Variants in HIBADH observed in about 807,000 individuals in gnomAD.
HIBADH encodes the protein 3-hydroxyisobutyrate dehydrogenase, also known as 3-hydroxyisobutyrate dehydrogenase, mitochondrial.
Under a neutral mutation model 36.1 loss-of-function variants are expected in HIBADH, and 25 were observed. The observed-to-expected ratio is 0.69, with a 90% CI of 0.50 to 0.97. The LOEUF (loss-of-function observed/expected upper bound fraction) is 0.97. Ranked by LOEUF, HIBADH falls within the 50% of genes least tolerant of loss-of-function variation. HIBADH has a pLI of 0.00. For synonymous variants in HIBADH, 160 were observed against 149.5 expected, an observed-to-expected ratio of 1.07 and a Z score of -0.51; for missense variants, 421 against 418.0, an observed-to-expected ratio of 1.01 and a Z score of -0.06.
At chr7:27,591,128 C>A (rs935690798) in intron 4 of HIBADH, among the ~76,000 whole-genome samples, 9 of 152,146 alleles carry the variant, frequency 5.9e-5, no homozygotes, top group Non-Finnish European at 1.3e-4. Flanking sequence ...CATATAAATT[C>A]AATTAGGTAA....
intron 4 of HIBADH, among the ~76,000 whole-genome samples, chr7:27,602,416 CAAGA>C (rs758855243): frequency 4.6e-5 from 7 of 152,008 alleles, no homozygotes; most frequent in Non-Finnish European, 7.4e-5. Context: ...GATTTTATTC[CAAGA>C]AAGAGTGCAG....
chr7:27,617,920 C>G (rs1189057788), intron 4 of HIBADH, among the ~76,000 whole-genome samples: 1 of 152,162 alleles, frequency 6.6e-6, no homozygotes, highest in Non-Finnish European at 1.5e-5. Context: ...AGTGCTTTAA[C>G]CCACAGGGTA....
At chr7:27,616,683 A>G (rs1274052172) in intron 4 of HIBADH, among the ~76,000 whole-genome samples, 1 of 152,084 alleles carries the variant, frequency 6.6e-6, no homozygotes, top group African/African-American at 2.4e-5. Flanking sequence ...GCTGGTCTTG[A>G]ACTTCCGGGC....
At chr7:27,640,068 C>A (rs1785933866) in intron 2 of HIBADH, among the ~76,000 whole-genome samples, 1 of 152,170 alleles carries the variant, frequency 6.6e-6, no homozygotes, top group Non-Finnish European at 1.5e-5. Flanking sequence ...CCCTCCGTGC[C>A]CAGTGGCAAT....
intron 4 of HIBADH, among the ~76,000 whole-genome samples, chr7:27,605,517 G>T (rs1583592987): frequency 8.4e-6 from 1 of 119,408 alleles, no homozygotes; most frequent in Non-Finnish European, 1.7e-5. Context: ...CACATGGTGG[G>T]GGGCGGGGAT....
intron 4 of HIBADH, among the ~76,000 whole-genome samples, chr7:27,545,826 T>G (rs1445238803): frequency 2.0e-5 from 3 of 152,202 alleles, no homozygotes; most frequent in African/African-American, 4.8e-5. Context: ...CATTATAAAC[T>G]TCCTAAAAAG....
chr7:27,645,368 A>ATGTTTTTTTGTTT (rs1554300959), intron 2 of HIBADH, among the ~76,000 whole-genome samples: 1 of 59,652 alleles, frequency 1.7e-5, no homozygotes, highest in African/African-American at 6.3e-5. Flanking sequence ...CATGGTTTTG[A>ATGTTTTTTTGTTT]TTTTTTTTTT....
chr7:27,652,651 G>C (rs1045553716), intron 1 of HIBADH, among the ~76,000 whole-genome samples: 2 of 152,208 alleles, frequency 1.3e-5, no homozygotes, highest in African/African-American at 4.8e-5. Flanking sequence ...CCAGTGTCTG[G>C]TAGGTCCACT....
chr7:27,554,634 T>C (rs575185153), intron 4 of HIBADH, among the ~76,000 whole-genome samples: 10 of 152,188 alleles, frequency 6.6e-5, no homozygotes, highest in Non-Finnish European at 1.2e-4. Context: ...ACATGAGTTC[T>C]GTTATAACTT....
At chr7:27,651,429 A>C (rs1193416786) in intron 1 of HIBADH, among the ~76,000 whole-genome samples, 3 of 152,238 alleles carry the variant, frequency 2.0e-5, no homozygotes, top group Non-Finnish European at 4.4e-5. Flanking sequence ...AATGACAGAA[A>C]AGTGACACCA....
intron 4 of HIBADH, among the ~76,000 whole-genome samples, chr7:27,585,520 T>C (rs1784849259): frequency 6.6e-6 from 1 of 152,194 alleles, no homozygotes; most frequent in Non-Finnish European, 1.5e-5. Flanking sequence ...AGACACTACA[T>C]ATATTTGCCT....
chr7:27,624,935 A>G (rs1212500588), intron 4 of HIBADH, among the ~76,000 whole-genome samples: 3 of 152,244 alleles, frequency 2.0e-5, no homozygotes, highest in Non-Finnish European at 4.4e-5. Flanking sequence ...CAGAGACTAA[A>G]AAGACACCTT....
chr7:27,610,491 C>T (rs540191719), intron 4 of HIBADH, among the ~76,000 whole-genome samples: 1 of 152,156 alleles, frequency 6.6e-6, no homozygotes, highest in Non-Finnish European at 1.5e-5. Context: ...TGTTATACAA[C>T]AGCTCTCCAG....
chr7:27,556,928 C>T (rs906516782), intron 4 of HIBADH, among the ~76,000 whole-genome samples: 6 of 152,112 alleles, frequency 3.9e-5, no homozygotes, highest in African/African-American at 1.4e-4. Flanking sequence ...AGGATAGAGC[C>T]TGAGCCCAGG....
Position 27,642,642 on chromosome 7 carries a change from GTTTTTTTTTTTTTTT to G in HIBADH, c.252+6816_252+6830del, listed in dbSNP as rs71555706. 1.6e-3 allele frequency among the ~76,000 whole-genome samples: 156 copies of G among 97,438 alleles called. 1 individual carries two copies. Among genetic ancestry groups the G allele is most frequent in the African/African-American group, 6.3e-3 (148 of 23,590 alleles). The allele number at this position is 97,438 out of a possible 152,430, so 63.9% of individuals were successfully genotyped here. On this transcript the variant is annotated intron_variant, in intron 2 of 7. Transcript: ENST00000265395. Reference sequence around the variant, plus strand: ...CTTTCGCTGTCTGCCTAAATGTCTAGTTTTTTTTTTTTTTTTTTTTTTTTTTTGAGACGGAGTCTC... The same window carrying G: ...CTTTCGCTGTCTGCCTAAATGTCTAGTTTTTTTTTTTTGAGACGGAGTCTC...
chr7:27,630,238 CAG>C (rs1785723920), intron 3 of HIBADH, among the ~76,000 whole-genome samples: 2 of 152,048 alleles, frequency 1.3e-5, no homozygotes, highest in South Asian at 4.2e-4. Context: ...TTCTTTAAGA[CAG>C]AGTCTCCCAC....
chr7:27,586,669 G>A (rs915114686), intron 4 of HIBADH, among the ~76,000 whole-genome samples: 1 of 151,976 alleles, frequency 6.6e-6, no homozygotes, highest in Non-Finnish European at 1.5e-5. Context: ...GGAGGAGGAG[G>A]AGGAGACAAA....
intron 2 of HIBADH, chr7:27,647,736 TC>T: frequency 2.5e-6 from 1 of 407,120 alleles, no homozygotes; most frequent in Admixed American, 3.1e-5. Context: ...CCTGGTAACT[TC>T]AGAGTATGAG....
intron 2 of HIBADH, among the ~76,000 whole-genome samples, chr7:27,646,798 C>A (rs758618513): frequency 3.1e-4 from 46 of 146,870 alleles, no homozygotes; most frequent in Non-Finnish European, 5.9e-4. Context: ...TGGACTCAAG[C>A]GATTCTCATG....
Sources: allele counts gnomAD v4.1 joint callset (sites outside exome capture counted in the v4.1 genomes callset), GRCh38; gene constraint gnomAD v4.1.1; transcripts MANE v1.5; gene names NCBI Gene and HGNC (gene_info 2026-07-23, HGNC 2026-07-21).